The following MTDH variants were observed in gnomAD, a reference collection of about 807,000 sequenced individuals.
MTDH encodes the protein metadherin.
Under a neutral mutation model 72.7 loss-of-function variants are expected in MTDH, and 34 were observed. The observed-to-expected ratio is 0.47, with a 90% confidence interval of 0.36 to 0.62. MTDH has a LOEUF of 0.62. Ranked by LOEUF, MTDH falls within the 20% of genes least tolerant of loss-of-function variation. MTDH has a pLI of 0.00. For synonymous variants in MTDH, 266 were observed against 268.9 expected (o/e 0.99, Z 0.10); for missense variants, 677 against 699.4 (o/e 0.97, Z 0.36).
At chr8:97,651,485 T>A (rs1212835632) in intron 1 of MTDH, among the ~76,000 whole-genome samples, 2 of 152,186 alleles carry the variant, frequency 1.3e-5, no homozygotes, top group South Asian at 2.1e-4. Context: ...AAAGGATACT[T>A]ATTTACAGTG....
chr8:97,719,324 C>G, intron 10 of MTDH, 135 bp downstream of exon 10: 2 of 831,832 alleles, frequency 2.4e-6, no homozygotes, highest in South Asian at 3.8e-5. Flanking sequence ...GAAACCCCGT[C>G]TCTACTAAAA....
chr8:97,692,521 C>G (rs1392458491), intron 6 of MTDH, among the ~76,000 whole-genome samples: 2 of 151,370 alleles, frequency 1.3e-5, no homozygotes, highest in Admixed American at 1.3e-4. Context: ...TACAGGCATA[C>G]GCCACCAAAC....
intron 9 of MTDH, among the ~76,000 whole-genome samples, chr8:97,718,029 C>A (rs1814944855): frequency 6.6e-6 from 1 of 151,370 alleles, no homozygotes; most frequent in African/African-American, 2.4e-5. Context: ...GGATTACAGG[C>A]ATGAGCCACA....
rs529864051 is a variant in MTDH, at chr8:97,702,440, G to A, written c.1147+2588G>A. On this transcript the variant is annotated intron_variant, in intron 7 of 11. Coordinates refer to ENST00000336273, the MANE Select transcript of MTDH (RefSeq NM_178812.4). ...AATAACAATTCCTCCCAAACAGTAC[G>A]GCTGAGAAGATTAAATGAGTTAATA... Among the ~76,000 whole-genome samples the A allele has an allele frequency of 5.3e-5, 8 of 152,174 alleles. No homozygotes were observed. The East Asian group carries it at 1.5e-3, about 29-fold the overall frequency.
At chr8:97,708,373 C>T (rs1019911350) in intron 8 of MTDH, among the ~76,000 whole-genome samples, 4 of 144,878 alleles carry the variant, frequency 2.8e-5, no homozygotes, top group African/African-American at 7.8e-5. Context: ...CCTCCCCCTC[C>T]CAGGTTCAAG....
At chr8:97,713,794 T>G in intron 9 of MTDH, 25 bp downstream of exon 9, 1 of 1,384,966 alleles carries the variant, frequency 7.2e-7, no homozygotes, top group Non-Finnish European at 9.8e-7. Context: ...CAACAAGCAT[T>G]CATTAAGCGC....
At chr8:97,700,922 T>G (rs773868036) in intron 7 of MTDH, among the ~76,000 whole-genome samples, 1 of 152,066 alleles carries the variant, frequency 6.6e-6, no homozygotes, top group Non-Finnish European at 1.5e-5. Flanking sequence ...TCTTACAGAT[T>G]AAGGGAGATG....
chr8:97,669,566 A>G (rs964609868), intron 2 of MTDH, among the ~76,000 whole-genome samples: 2 of 149,144 alleles, frequency 1.3e-5, no homozygotes, highest in South Asian at 2.2e-4. Context: ...GCAACTACTA[A>G]TTTCTGCTAT....
rs916693401 is a variant in MTDH, at chr8:97,729,230, A to G, written c.*4560A>G. 1.3e-5 allele frequency among the ~76,000 whole-genome samples: 2 copies of G among 151,810 alleles called. No individual in the cohort carries two copies. Among genetic ancestry groups the G allele is most frequent in the African/African-American group, 4.8e-5 (2 of 41,340 alleles). On this transcript the variant is annotated 3_prime_UTR_variant, in exon 12 of 12. Transcript: ENST00000336273. ...GTGTGAGCCACCACACCTGGCCAAC[A>G]TGTGGCTTTCAGTTCTTACTTGAAG...
chr8:97,646,193 ATC>A (rs895280611), intron 1 of MTDH, among the ~76,000 whole-genome samples: 1 of 152,206 alleles, frequency 6.6e-6, no homozygotes, highest in African/African-American at 2.4e-5. Flanking sequence ...ACAAACTCTA[ATC>A]TCTAGATTAG....
At chr8:97,650,918 T>A (rs1228391744) in intron 1 of MTDH, among the ~76,000 whole-genome samples, 1 of 152,172 alleles carries the variant, frequency 6.6e-6, no homozygotes, top group Non-Finnish European at 1.5e-5. Context: ...TAGATTAGAA[T>A]GGTCTAATAT....
chr8:97,691,239 C>T (rs1425518378), intron 6 of MTDH, 51 bp downstream of exon 6: 1 of 1,290,782 alleles, frequency 7.7e-7, no homozygotes, highest in East Asian at 2.4e-5. Flanking sequence ...TAATCTTGTA[C>T]ATTTTTAATT....
At chr8:97,678,526 G>A (rs1812941406) in intron 2 of MTDH, among the ~76,000 whole-genome samples, 1 of 150,564 alleles carries the variant, frequency 6.6e-6, no homozygotes, top group African/African-American at 2.4e-5. Flanking sequence ...ACTTTTAAAA[G>A]CGAGTCATAC....
intron 9 of MTDH, among the ~76,000 whole-genome samples, chr8:97,716,924 T>C (rs1453545754): frequency 6.6e-6 from 1 of 152,124 alleles, no homozygotes; most frequent in African/African-American, 2.4e-5. Flanking sequence ...CAAACAGTCC[T>C]CCTGCCTTGG....
At chr8:97,647,407 T>G (rs963614644) in intron 1 of MTDH, among the ~76,000 whole-genome samples, 1 of 152,026 alleles carries the variant, frequency 6.6e-6, no homozygotes, top group Non-Finnish European at 1.5e-5. Context: ...ACAAAAAATT[T>G]AAAAAATTAG....
intron 1 of MTDH, among the ~76,000 whole-genome samples, chr8:97,646,605 C>T (rs1202688030): frequency 6.6e-6 from 1 of 152,178 alleles, no homozygotes; most frequent in East Asian, 1.9e-4. Context: ...TCTCCAAGAA[C>T]CCATCCGACA....
rs184148512 is a variant in MTDH at position 97,673,998 on chromosome 8, T to A, written c.484-12670T>A. ...TCAAAAATCAGTTAATCAAAAAAAA[T>A]TTTTTTAATTAGCCAGGCATGGTGG... On this transcript the variant is annotated intron_variant, in intron 2 of 11. Transcript: ENST00000336273. Among the ~76,000 whole-genome samples, 1,019 of 151,226 alleles carry A rather than the reference T, an allele frequency of 6.7e-3. 11 individuals carry two copies. The highest frequency in any genetic ancestry group is 0.023 in the African/African-American group (945 of 41,116).
At chr8:97,661,376 A>G (rs776828925) in intron 2 of MTDH, among the ~76,000 whole-genome samples, 23 of 152,212 alleles carry the variant, frequency 1.5e-4, no homozygotes, top group Non-Finnish European at 2.6e-4. Context: ...ATCACCAAAT[A>G]TTTTAAACAT....
In MTDH at chr8:97,729,902, A is replaced by G. The variant is rs1283224393; in HGVS notation, c.*5232A>G. On this transcript the variant is annotated 3_prime_UTR_variant, in exon 12 of 12. Coordinates refer to ENST00000336273, the MANE Select transcript of MTDH (RefSeq NM_178812.4). The stretch of plus-strand genomic sequence containing the variant: ...CTGCCTGCGCATACTGCAAGTACAG[A>G]CTATATAACAAGTTGAAAGAGAATC... Among the ~76,000 whole-genome samples the G allele has an allele frequency of 3.3e-5, 5 of 152,218 alleles. No individual in the cohort carries two copies. Among genetic ancestry groups the G allele is most frequent in the African/African-American group, 7.2e-5 (3 of 41,460 alleles).
Sources: allele counts gnomAD v4.1 joint callset (sites outside exome capture counted in the v4.1 genomes callset), GRCh38; gene constraint gnomAD v4.1.1; transcripts MANE v1.5; gene names NCBI Gene and HGNC (gene_info 2026-07-23, HGNC 2026-07-21).